The following LIMCH1 variants were observed in gnomAD, a reference collection of about 807,000 sequenced individuals.
LIMCH1 encodes LIM and calponin homology domains 1.
LIMCH1 carries 113 observed loss-of-function variants against 176.5 expected under a neutral mutation model. The observed-to-expected ratio is 0.64, with a 90% CI of 0.55 to 0.75. The LOEUF is 0.75. LIMCH1 is among the 30% of genes least tolerant of loss of function. The probability of loss-of-function intolerance (pLI) is 0.00; values close to 1 mark genes in which losing one functional copy is unlikely to be tolerated. For missense variants in LIMCH1, 1,674 were observed against 1,814.9 expected, an observed-to-expected ratio of 0.92 and a Z score of 1.41; for synonymous variants, 619 against 645.9, an observed-to-expected ratio of 0.96 and a Z score of 0.63.
At chr4:41,584,069 T>C (rs1239694696) in intron 1 of LIMCH1, among the ~76,000 whole-genome samples, 2 of 152,222 alleles carry the variant, frequency 1.3e-5, no homozygotes, top group Non-Finnish European at 2.9e-5. Flanking sequence ...ATGACCTCTA[T>C]ACGCCTGTTT....
intron 1 of LIMCH1, among the ~76,000 whole-genome samples, chr4:41,425,263 C>T (rs1208185937): frequency 1.3e-5 from 2 of 152,182 alleles, no homozygotes; most frequent in Non-Finnish European, 2.9e-5. Flanking sequence ...GTCTTGATCC[C>T]ATGAACTGAT....
At chr4:41,678,014 T>C (rs1712365404) in intron 23 of LIMCH1, among the ~76,000 whole-genome samples, 1 of 152,034 alleles carries the variant, frequency 6.6e-6, no homozygotes, top group Non-Finnish European at 1.5e-5. Flanking sequence ...TATACACGTG[T>C]CATGGTGGTT....
chr4:41,537,604 A>T (rs2078095582), upstream of LIMCH1, among the ~76,000 whole-genome samples: 1 of 151,986 alleles, frequency 6.6e-6, no homozygotes, highest in Non-Finnish European at 1.5e-5. Context: ...TTTCATGGGG[A>T]TTCATGGAGT....
intron 1 of LIMCH1, among the ~76,000 whole-genome samples, chr4:41,390,106 C>T (rs1473660939): frequency 6.6e-6 from 1 of 152,154 alleles, no homozygotes; most frequent in Non-Finnish European, 1.5e-5. Context: ...CATTCCTGCT[C>T]TCCCAAGTTC....
chr4:41,368,947 A>G (rs1238138835), intron 1 of LIMCH1, among the ~76,000 whole-genome samples: 2 of 152,198 alleles, frequency 1.3e-5, no homozygotes, highest in African/African-American at 4.8e-5. Context: ...TCTTAGCAGG[A>G]AGGGGCTGCG....
intron 1 of LIMCH1, among the ~76,000 whole-genome samples, chr4:41,442,157 A>G (rs911456459): frequency 3.9e-5 from 6 of 152,096 alleles, no homozygotes; most frequent in African/African-American, 7.2e-5. Flanking sequence ...AAAATTAGCC[A>G]GGTGTGGTGG....
At chr4:41,632,448 G>C (rs2093373791) in intron 10 of LIMCH1, among the ~76,000 whole-genome samples, 3 of 151,914 alleles carry the variant, frequency 2.0e-5, no homozygotes. Flanking sequence ...GGGATCTGGG[G>C]TGGGGAGGAG....
chr4:41,644,656 G>A (rs778094789), intron 15 of LIMCH1, 30 bp downstream of exon 15: 4 of 1,587,804 alleles, frequency 2.5e-6, no homozygotes, highest in Non-Finnish European at 3.4e-6. Flanking sequence ...CGCGGGCAGC[G>A]GGGAGGCTTC....
chr4:41,687,042 T>A (rs1721363868), intron 28 of LIMCH1, among the ~76,000 whole-genome samples: 1 of 151,970 alleles, frequency 6.6e-6, no homozygotes, highest in Non-Finnish European at 1.5e-5. Flanking sequence ...GCGAGGGAGG[T>A]TTGGGTGGGA....
At chr4:41,518,252 A>G (rs78729903) in intron 2 of LIMCH1, among the ~76,000 whole-genome samples, 1 of 152,122 alleles carries the variant, frequency 6.6e-6, no homozygotes, top group African/African-American at 2.4e-5. Context: ...TAACGTCTAG[A>G]TGGTCTCATA....
chr4:41,540,408 CT>C (rs1484589613), intron 1 of LIMCH1, among the ~76,000 whole-genome samples: 1 of 152,086 alleles, frequency 6.6e-6, no homozygotes. Context: ...ATTTTTAAAC[CT>C]TCTCTTGTCC....
chr4:41,458,156 A>G (rs950494531), intron 1 of LIMCH1, among the ~76,000 whole-genome samples: 2 of 152,148 alleles, frequency 1.3e-5, no homozygotes, highest in African/African-American at 4.8e-5. Context: ...TACACCTGCT[A>G]TGTACCCACA....
chr4:41,505,074 G>A (rs1283470591), intron 2 of LIMCH1, among the ~76,000 whole-genome samples: 1 of 152,162 alleles, frequency 6.6e-6, no homozygotes, highest in Non-Finnish European at 1.5e-5. Flanking sequence ...TTGAAAATAT[G>A]TATAAAATTC....
chr4:41,683,879 C>G (rs1718352768), intron 26 of LIMCH1, among the ~76,000 whole-genome samples: 1 of 152,102 alleles, frequency 6.6e-6, no homozygotes, highest in East Asian at 1.9e-4. Flanking sequence ...TACAGAAAAC[C>G]TTTGACCTTC....
At chr4:41,581,818 A>AAAAAAAAAAAAAC (rs2085514974) in intron 1 of LIMCH1, among the ~76,000 whole-genome samples, 1 of 150,930 alleles carries the variant, frequency 6.6e-6, no homozygotes, top group African/African-American at 2.4e-5. Context: ...AAAAAAAAAA[A>AAAAAAAAAAAAAC]AAAAAAAAAA....
intron 4 of LIMCH1, among the ~76,000 whole-genome samples, chr4:41,609,953 G>T (rs1477767715): frequency 6.6e-6 from 1 of 152,166 alleles, no homozygotes; most frequent in Non-Finnish European, 1.5e-5. Context: ...TTTTATTTCT[G>T]GCTGAAGAGC....
rs954404238 is a variant in LIMCH1, at chr4:41,685,749, G to C, written c.4007G>C (p.Ser1336Thr). The change falls in exon 28 of 32, where the codon AGT (serine) becomes ACT (threonine). Residue 1336 changes from serine to threonine, a missense_variant. Transcript: ENST00000503057. ...CAGCAGACATCAAATCCAACGCACAGTTCAGAAGATGTGAAGCCAAAAACC... is the reference window on the plus strand; with the variant it reads ...CAGCAGACATCAAATCCAACGCACACTTCAGAAGATGTGAAGCCAAAAACC... Reference protein sequence around the residue: ...QNQQTSNPTHSSEDVKPKTLP... With the variant: ...QNQQTSNPTHTSEDVKPKTLP... The C allele has an allele frequency of 2.5e-6, 4 of 1,613,594 alleles. No individual in the cohort carries two copies. In the African/African-American group the frequency reaches 5.3e-5, roughly 22 times the overall value.
chr4:41,487,650 A>AT (rs1455076636), intron 1 of LIMCH1, among the ~76,000 whole-genome samples: 1 of 124,306 alleles, frequency 8.0e-6, no homozygotes, highest in African/African-American at 3.0e-5. Flanking sequence ...ATTTTTTTAT[A>AT]TTCTTTTTTT....
intron 2 of LIMCH1, among the ~76,000 whole-genome samples, chr4:41,519,570 A>G (rs1309339478): frequency 6.6e-6 from 1 of 152,202 alleles, no homozygotes; most frequent in Non-Finnish European, 1.5e-5. Flanking sequence ...CAAGCTATAG[A>G]CATTTGTTGA....
Sources: gnomAD v4.1 joint callset for allele counts (sites outside exome capture counted in the v4.1 genomes callset) on GRCh38, gnomAD v4.1.1 for gene constraint, MANE v1.5 for transcripts, NCBI Gene and HGNC (gene_info 2026-07-23, HGNC 2026-07-21) for gene names.